MAD2L2: variants seen among roughly 807,000 people sequenced by gnomAD.
The protein encoded by MAD2L2 is mitotic spindle assembly checkpoint protein MAD2B.
MAD2L2 carries 17 observed loss-of-function variants against 30.5 expected under a neutral mutation model. The ratio of observed to expected loss-of-function variants is 0.56; its 90% CI spans 0.38 to 0.84. The LOEUF (loss-of-function observed/expected upper bound fraction) is 0.84, where lower values mean the gene tolerates loss of function less well. MAD2L2 is among the 40% of genes least tolerant of loss of function. The pLI is 0.00. For synonymous variants in MAD2L2, 101 were observed against 113.9 expected, an observed-to-expected ratio of 0.89 and a Z score of 0.72; for missense variants, 213 against 277.4, an observed-to-expected ratio of 0.77 and a Z score of 1.65.
rs560855200 is a variant in MAD2L2, at chr1:11,686,807, T to TAAAA, written c.-692+4602_-692+4605dup. On this transcript the variant is annotated intron_variant, in intron 1 of 10. Transcript: ENST00000235310. Reference sequence around the variant, plus strand: ...TTTTGATCCAGCTCAACTGCCACTTTAAAAAAAAAAAAAAAAAAAAAAAAC... The same window carrying TAAAA: ...TTTTGATCCAGCTCAACTGCCACTTTAAAAAAAAAAAAAAAAAAAAAAAAAAAAC... Among the ~76,000 whole-genome samples the TAAAA allele has an allele frequency of 2.6e-4, 27 of 104,490 alleles. No homozygotes were observed. The East Asian group carries it at 3.8e-3, about 15-fold the overall frequency. 68.5% of individuals were successfully genotyped at this position (104,490 alleles called of 152,430 possible).
At chr1:11,677,304 T>TAC in intron 4 of MAD2L2, 4 of 597,158 alleles carry the variant, frequency 6.7e-6, no homozygotes, top group Non-Finnish European at 1.2e-5. Context: ...AGCCCCTACT[T>TAC]AGAGCCAGCT....
chr1:11,680,610 C>A lies in MAD2L2; in HGVS notation c.-9G>T. ...CGTGTGAGCGTGGTCATCCTTCCCG[C>A]TACCTGAGTGTTGGGGCAAGGGCAG... On this transcript the variant is annotated 5_prime_UTR_variant, in exon 2 of 9. Transcript: ENST00000376692. 1 of 1,561,204 alleles carries A rather than the reference C, an allele frequency of 6.4e-7. No individual in the cohort carries two copies. Among genetic ancestry groups the A allele is most frequent in the Non-Finnish European group, 8.7e-7 (1 of 1,150,590 alleles).
At chr1:11,683,697 G>C (rs1640911892), upstream of MAD2L2, among the ~76,000 whole-genome samples, 1 of 152,054 alleles carries the variant, frequency 6.6e-6, no homozygotes, top group Non-Finnish European at 1.5e-5. Flanking sequence ...GCTGGGCACG[G>C]TGGGTGGCTC....
chr1:11,676,898 T>C lies in MAD2L2; in HGVS notation c.282A>G (p.Pro94=). ...VVVILDKEHR[P]VEKFVFEITQ... ...TGATCTCAAAGACGAATTTCTCCAC[T>C]GGGCGGTGCTCTTTATCCAAAATCA... The change falls in exon 5 of 9, where the codon CCA becomes CCG. Residue 94 remains proline (P), a synonymous_variant. Transcript: ENST00000376692. 2 of 1,614,140 alleles carry C rather than the reference T, an allele frequency of 1.2e-6. No homozygotes were observed. The highest frequency in any genetic ancestry group is 1.7e-6 in the Non-Finnish European group (2 of 1,180,012).
At chr1:11,679,136 C>T (rs28924100) in intron 3 of MAD2L2, among the ~76,000 whole-genome samples, 3,221 of 152,160 alleles carry the variant, frequency 0.021, 138 homozygotes, top group African/African-American at 0.073. Context: ...TGCACTCCAG[C>T]CAGGGCGACA....
At position 11,674,869 on chromosome 1, in the gene MAD2L2, G is replaced by A; in HGVS notation, c.595-53C>T. 6.3e-7 allele frequency: 1 copy of A among 1,599,550 alleles called. No homozygotes were observed. Among genetic ancestry groups the A allele is most frequent in the East Asian group, 2.2e-5 (1 of 44,806 alleles). On this transcript the variant is annotated intron_variant, in intron 8 of 8. Transcript: ENST00000376692. The surrounding 1 kb of genome is among the most constrained non-coding windows in gnomAD (Gnocchi z 6.1). ...TCAGCAAGACAGCCAGGGCATCCCT[G>A]CTGGAGGACACAGAAGCCCCTGGTG...
At chr1:11,684,055 G>A (rs1015559623), upstream of MAD2L2, among the ~76,000 whole-genome samples, 3 of 152,166 alleles carry the variant, frequency 2.0e-5, no homozygotes, top group African/African-American at 7.2e-5. Context: ...GGAAGCAGAT[G>A]GGGAGGGATT....
chr1:11,675,213 G>A (rs1367315364), intron 7 of MAD2L2, 39 bp from the exon 8 acceptor site: 3 of 1,425,768 alleles, frequency 2.1e-6, no homozygotes, highest in Non-Finnish European at 2.9e-6. Context: ...GACGGGGCTG[G>A]GCCCTGGCCT....
intron 4 of MAD2L2, 46 bp from the exon 5 acceptor site, chr1:11,676,994 G>C (rs2294638): frequency 0.55 from 766,985 of 1,401,206 alleles, 214,728 homozygotes; most frequent in African/African-American, 0.86. Flanking sequence ...ACCCCACCCC[G>C]ACTACACCAC....
Position 11,680,288 on chromosome 1 carries a change from G to A in MAD2L2, c.159+65C>T, listed in dbSNP as rs1570289854. On this transcript the variant is annotated intron_variant, in intron 3 of 8. Transcript: ENST00000376692. Reference sequence around the variant, plus strand: ...TAGGATTACAGGCGTGAGCCACGGCGCCCGACCAAAGAATTTTTAAAAGTC... The same window carrying A: ...TAGGATTACAGGCGTGAGCCACGGCACCCGACCAAAGAATTTTTAAAAGTC... 3.0e-6 allele frequency: 4 copies of A among 1,313,694 alleles called. No homozygotes were observed. In the African/African-American group the frequency reaches 4.3e-5, roughly 14 times the overall value. 81.4% of individuals were successfully genotyped at this position (1,313,694 alleles called of 1,614,324 possible).
chr1:11,675,402 A>G (rs1428890647), intron 7 of MAD2L2, among the ~76,000 whole-genome samples: 1 of 152,202 alleles, frequency 6.6e-6, no homozygotes, highest in Non-Finnish European at 1.5e-5. Flanking sequence ...CTGGTGGGCT[A>G]GGACCCCTCC....
chr1:11,680,849 T>G, intron 1 of MAD2L2, 190 bp downstream of exon 1: 1 of 1,168,378 alleles, frequency 8.6e-7, no homozygotes, highest in Non-Finnish European at 1.1e-6. Context: ...TCTCGCGGGG[T>G]GGAAAGACCA....
exon 1 of MAD2L2, chr1:11,691,574 C>T (rs562388815): frequency 4.0e-5 from 6 of 151,636 alleles, no homozygotes; most frequent in African/African-American, 1.4e-4. Context: ...GCGCGCTGGC[C>T]GGGTGCGCGC....
At chr1:11,680,499 G>T (rs1414520401) in intron 2 of MAD2L2, 28 bp from the exon 3 acceptor site, 1 of 1,611,454 alleles carries the variant, frequency 6.2e-7, no homozygotes, top group African/African-American at 1.3e-5. Context: ...CCGGTGGCGC[G>T]CTCGAGGAAG....
upstream of MAD2L2, among the ~76,000 whole-genome samples, chr1:11,686,118 C>T (rs1381012321): frequency 1.3e-5 from 2 of 152,266 alleles, no homozygotes; most frequent in East Asian, 3.9e-4. Flanking sequence ...CCATCCTTAG[C>T]GGCATCCCCA....
At chr1:11,675,945 G>T in intron 6 of MAD2L2, 101 bp downstream of exon 6, 1 of 1,034,666 alleles carries the variant, frequency 9.7e-7, no homozygotes, top group Non-Finnish European at 1.5e-6. Flanking sequence ...GGGTTAGGAA[G>T]AGATGAGTCT....
intron 3 of MAD2L2, 103 bp from the exon 4 acceptor site, chr1:11,677,717 C>A: frequency 2.2e-6 from 2 of 904,088 alleles, no homozygotes; most frequent in Non-Finnish European, 3.5e-6. Context: ...GTCCGAGGCC[C>A]AGCAGCTCTC....
intron 5 of MAD2L2, 80 bp from the exon 6 acceptor site, chr1:11,676,220 G>GGTCTT: frequency 1.1e-6 from 1 of 882,818 alleles, no homozygotes; most frequent in Non-Finnish European, 1.8e-6. Context: ...GCAGACCTGG[G>GGTCTT]GTACAAGACC....
chr1:11,674,795 G>A lies in MAD2L2; in HGVS notation c.616C>T (p.Arg206Cys), dbSNP rs142776270. 1.2e-5 allele frequency: 19 copies of A among 1,613,558 alleles called. 1 individual carries two copies. Among genetic ancestry groups the A allele is most frequent in the South Asian group, 7.7e-5 (7 of 91,086 alleles). The change falls in exon 9 of 9, where the codon CGC (arginine) becomes TGC (cysteine). Residue 206 changes from arginine (R) to cysteine (C), a missense_variant. Arg to Cys is a radical substitution (Grantham distance 180). Coordinates refer to ENST00000376692, the MANE Select transcript of MAD2L2 (RefSeq NM_006341.4). The surrounding 1 kb of genome is among the most constrained non-coding windows in gnomAD (Gnocchi z 6.1). ...ILKMQLYVEERAHKGS is the reference protein window; with the variant it reads ...ILKMQLYVEECAHKGS ...CCCCCTCAGCTGCCTTTATGAGCGC[G>A]CTCTTCCACGTAAAGCTGCATCTGA...
Sources: allele counts gnomAD v4.1 joint callset (sites outside exome capture counted in the v4.1 genomes callset), GRCh38; gene constraint gnomAD v4.1.1; non-coding constraint Gnocchi (gnomAD v3.1); transcripts MANE v1.5; gene names NCBI Gene and HGNC (gene_info 2026-07-23, HGNC 2026-07-21).